Variants in DCC observed in about 807,000 individuals in gnomAD.
DCC encodes the protein netrin receptor DCC.
Under a neutral mutation model 172.5 loss-of-function variants are expected in DCC, and 58 were observed. That is an observed-to-expected ratio of 0.34 (90% CI 0.27 to 0.42). The LOEUF is 0.42. Among genes scored for constraint, DCC ranks in the 10% least tolerant of loss-of-function variants. DCC has a pLI of 1.00. For synonymous variants in DCC, 709 were observed against 644.5 expected (o/e 1.10, Z -1.52); for missense variants, 1,740 against 1,791.0 (o/e 0.97, Z 0.51).
At chr18:53,523,386 C>T (rs1050585162) in intron 27 of DCC, among the ~76,000 whole-genome samples, 1 of 152,104 alleles carries the variant, frequency 6.6e-6, no homozygotes, top group Non-Finnish European at 1.5e-5. Context: ...ATTAGAAATG[C>T]CATTTGACCC....
intron 1 of DCC, among the ~76,000 whole-genome samples, chr18:52,543,969 G>C (rs8086651): frequency 1.3e-5 from 2 of 152,094 alleles, no homozygotes; most frequent in Non-Finnish European, 2.9e-5. Context: ...GCTATGAAAC[G>C]CTTACAAAAG....
At chr18:53,084,239 C>A (rs534334227) in intron 7 of DCC, among the ~76,000 whole-genome samples, 1 of 152,210 alleles carries the variant, frequency 6.6e-6, no homozygotes, top group South Asian at 2.1e-4. Context: ...CCTGTTCTTG[C>A]AAAGCCACCA....
chr18:53,026,046 C>T (rs1036301756), intron 5 of DCC, among the ~76,000 whole-genome samples: 1 of 151,880 alleles, frequency 6.6e-6, no homozygotes, highest in Non-Finnish European at 1.5e-5. Flanking sequence ...GATGACTTTT[C>T]AGGGTGATTG....
chr18:53,308,142 T>G (rs2057224934), intron 13 of DCC, among the ~76,000 whole-genome samples: 1 of 151,464 alleles, frequency 6.6e-6, no homozygotes, highest in Non-Finnish European at 1.5e-5. Context: ...TTTGAAAACC[T>G]AAATATCCAA....
chr18:52,614,001 G>A (rs2034326914), intron 1 of DCC, among the ~76,000 whole-genome samples: 1 of 152,186 alleles, frequency 6.6e-6, no homozygotes. Context: ...GGGATGTTAA[G>A]CTCAGGGCAA....
At chr18:53,517,331 G>GAGAT (rs1256855947) in intron 27 of DCC, among the ~76,000 whole-genome samples, 11 of 151,990 alleles carry the variant, frequency 7.2e-5, no homozygotes, top group Non-Finnish European at 4.4e-5. Context: ...ATAGCATTGG[G>GAGAT]AGATATACCT....
chr18:52,568,199 C>T (rs2033207774), intron 1 of DCC, among the ~76,000 whole-genome samples: 1 of 151,868 alleles, frequency 6.6e-6, no homozygotes, highest in Non-Finnish European at 1.5e-5. Flanking sequence ...ATGAGGCAGC[C>T]GTCCTATTCT....
chr18:52,483,998 C>A (rs73448690), intron 1 of DCC, among the ~76,000 whole-genome samples: 13,934 of 152,056 alleles, frequency 0.092, 729 homozygotes, highest in Middle Eastern at 0.18. Flanking sequence ...TCTTTCTGTT[C>A]TCTGAATGTT....
intron 14 of DCC, among the ~76,000 whole-genome samples, chr18:53,330,545 A>G (rs1056482336): frequency 6.6e-6 from 1 of 151,938 alleles, no homozygotes; most frequent in African/African-American, 2.4e-5. Flanking sequence ...TAGACCCCAT[A>G]GTGTTGTCAG....
chr18:52,472,304 C>A (rs1598845378), intron 1 of DCC, among the ~76,000 whole-genome samples: 1 of 152,126 alleles, frequency 6.6e-6, no homozygotes, highest in African/African-American at 2.4e-5. Flanking sequence ...CAGCTTCCTT[C>A]CCTTTTCAGG....
intron 27 of DCC, among the ~76,000 whole-genome samples, chr18:53,511,038 T>C (rs543069396): frequency 1.8e-4 from 28 of 152,340 alleles, no homozygotes; most frequent in Admixed American, 1.6e-3. Context: ...CTTCTTTGAA[T>C]TTTGATTTTC....
At chr18:52,655,600 A>T (rs1380965099) in intron 1 of DCC, among the ~76,000 whole-genome samples, 2 of 152,048 alleles carry the variant, frequency 1.3e-5, no homozygotes, top group East Asian at 3.9e-4. Flanking sequence ...ATTTTTATTT[A>T]ATGTGGTGTT....
chr18:52,510,557 C>A (rs575822746), intron 1 of DCC, among the ~76,000 whole-genome samples: 1 of 152,212 alleles, frequency 6.6e-6, no homozygotes, highest in Non-Finnish European at 1.5e-5. Context: ...CCCATCACCC[C>A]ACTCACCATG....
At chr18:53,408,299 G>T (rs556034927) in intron 19 of DCC, among the ~76,000 whole-genome samples, 2 of 152,268 alleles carry the variant, frequency 1.3e-5, no homozygotes, top group East Asian at 3.9e-4. Context: ...TAGCTTTGGG[G>T]TCTCTTACAA....
chr18:53,199,452 T>A (rs2055501028), intron 9 of DCC, among the ~76,000 whole-genome samples: 1 of 152,140 alleles, frequency 6.6e-6, no homozygotes, highest in Non-Finnish European at 1.5e-5. Context: ...CATGTGCATG[T>A]AATGTATCAC....
intron 1 of DCC, 46 bp downstream of exon 1, chr18:52,340,924 C>T: frequency 2.2e-6 from 3 of 1,392,512 alleles, no homozygotes; most frequent in Non-Finnish European, 1.0e-6. Context: ...CTTCCGTACC[C>T]CACTTCCCTT....
At chr18:52,557,769 C>T (rs548673826) in intron 1 of DCC, among the ~76,000 whole-genome samples, 11 of 152,318 alleles carry the variant, frequency 7.2e-5, no homozygotes, top group Middle Eastern at 3.4e-3. Flanking sequence ...AAGCCATTCT[C>T]ATGCCTCAGC....
chr18:52,751,939 A>G (rs35517902), intron 1 of DCC, 115 bp from the exon 2 acceptor site: 1 of 847,850 alleles, frequency 1.2e-6, no homozygotes, highest in East Asian at 2.6e-5. Flanking sequence ...TTATTCTTGG[A>G]CATTGTTCAA....
At chr18:52,654,384 A>G (rs1277084852) in intron 1 of DCC, among the ~76,000 whole-genome samples, 1 of 152,130 alleles carries the variant, frequency 6.6e-6, no homozygotes, top group South Asian at 2.1e-4. Flanking sequence ...ATTCCCTTAT[A>G]CCTGTATTCA....
Sources: allele counts gnomAD v4.1 joint callset (sites outside exome capture counted in the v4.1 genomes callset), GRCh38; gene constraint gnomAD v4.1.1; transcripts MANE v1.5; gene names NCBI Gene and HGNC (gene_info 2026-07-23, HGNC 2026-07-21).